SORBS2: variants seen among roughly 807,000 people sequenced by gnomAD.
SORBS2 encodes sorbin and SH3 domain containing 2, also known as sorbin and SH3 domain-containing protein 2.
In SORBS2, 46 loss-of-function variants were observed where a neutral mutation model predicts 97.7. The ratio of observed to expected loss-of-function variants is 0.47; its 90% CI spans 0.37 to 0.60. SORBS2 has a LOEUF of 0.60. SORBS2 is among the 20% of genes least tolerant of loss of function. The pLI, the probability that SORBS2 is intolerant of heterozygous loss-of-function variation, is 0.00. For synonymous variants in SORBS2, 476 were observed against 473.4 expected, an observed-to-expected ratio of 1.01 and a Z score of -0.07; for missense variants, 1,316 against 1,282.3, an observed-to-expected ratio of 1.03 and a Z score of -0.40.
chr4:185,930,858 A>G (rs1219855310), intron 1 of SORBS2, among the ~76,000 whole-genome samples: 1 of 152,240 alleles, frequency 6.6e-6, no homozygotes, highest in African/African-American at 2.4e-5. Context: ...GTGGATTTTT[A>G]CTTCTCCCTT....
intron 12 of SORBS2, among the ~76,000 whole-genome samples, chr4:185,602,481 C>T (rs1014790980): frequency 6.6e-6 from 1 of 152,124 alleles, no homozygotes; most frequent in Non-Finnish European, 1.5e-5. Flanking sequence ...TTCTGGATTG[C>T]ATTTACTTTT....
chr4:185,772,264 G>A (rs2098975971), intron 2 of SORBS2: 1 of 152,146 alleles, frequency 6.6e-6, no homozygotes, highest in Admixed American at 6.5e-5. Flanking sequence ...ATGCTTTTCT[G>A]AGGGACATTG....
At chr4:185,806,574 C>T (rs1422392551) in intron 1 of SORBS2, among the ~76,000 whole-genome samples, 2 of 149,976 alleles carry the variant, frequency 1.3e-5, no homozygotes, top group Admixed American at 1.3e-4. Context: ...TCTCCTGCCT[C>T]AGCCTCCCGA....
intron 2 of SORBS2, among the ~76,000 whole-genome samples, chr4:185,751,172 TA>T (rs71593649): frequency 0.093 from 2,961 of 31,748 alleles, 187 homozygotes; most frequent in Non-Finnish European, 0.14. Context: ...CTCTAAATAC[TA>T]AAAAAAAAAA....
At chr4:185,618,911 C>T (rs953989696) in intron 8 of SORBS2, among the ~76,000 whole-genome samples, 1 of 152,148 alleles carries the variant, frequency 6.6e-6, no homozygotes, top group Non-Finnish European at 1.5e-5. Flanking sequence ...CAGAGGTTTG[C>T]ATCCTAGGCA....
At chr4:185,889,422 G>T (rs1191588396) in intron 1 of SORBS2, among the ~76,000 whole-genome samples, 1 of 151,280 alleles carries the variant, frequency 6.6e-6, no homozygotes, top group Non-Finnish European at 1.5e-5. Flanking sequence ...TTTCTAACCT[G>T]GTCTCCGTGT....
rs556174076 is a variant in SORBS2 at position 185,850,279 on chromosome 4, G to A, written c.-337-74913C>T. Among the ~76,000 whole-genome samples, 264 of 152,294 alleles carry A rather than the reference G, an allele frequency of 1.7e-3. 1 individual carries two copies. The highest frequency in any genetic ancestry group is 5.9e-3 in the African/African-American group (247 of 41,562). On this transcript the variant is annotated intron_variant, in intron 1 of 20. Coordinates refer to the SORBS2 transcript ENST00000284776. ...AGTTGGGAAAAACACACAACTCCCT[G>A]AACTATCCACATGCCATGAGTTCTC...
chr4:185,815,353 T>C (rs1383125393), intron 1 of SORBS2, among the ~76,000 whole-genome samples: 1 of 151,990 alleles, frequency 6.6e-6, no homozygotes, highest in African/African-American at 2.4e-5. Context: ...TTTATATATA[T>C]TTAAACATTA....
upstream of SORBS2, among the ~76,000 whole-genome samples, chr4:185,660,017 A>C (rs1456351333): frequency 6.6e-6 from 1 of 152,206 alleles, no homozygotes; most frequent in East Asian, 1.9e-4. Flanking sequence ...GTCCTAAACT[A>C]AGTGTAAAAT....
chr4:185,590,336 C>T (rs1202492064), intron 13 of SORBS2, among the ~76,000 whole-genome samples: 13 of 152,186 alleles, frequency 8.5e-5, no homozygotes, highest in African/African-American at 3.1e-4. Flanking sequence ...GTGTGAATTA[C>T]TATACAAAGG....
Position 185,607,055 on chromosome 4 carries a change from G to A in SORBS2, c.2796+4725C>T, listed in dbSNP as rs1276839528. Reference sequence around the variant, plus strand: ...GCGTGAGTGGAAGGTGATTCGGCAGGTGCAGTCGCTGGGGACAATGGGAGG... The same window carrying A: ...GCGTGAGTGGAAGGTGATTCGGCAGATGCAGTCGCTGGGGACAATGGGAGG... On this transcript the variant is annotated intron_variant, in intron 12 of 14. Coordinates refer to ENST00000418609, the Ensembl canonical transcript of SORBS2. The surrounding 1 kb of genome is among the most constrained non-coding windows in gnomAD (Gnocchi z 5.2). 26 of 1,031,756 alleles carry A rather than the reference G, an allele frequency of 2.5e-5. No individual in the cohort carries two copies. Among genetic ancestry groups the A allele is most frequent in the Non-Finnish European group, 3.0e-5 (26 of 857,394 alleles). The allele number at this position is 1,031,756 out of a possible 1,614,324, so 63.9% of individuals were successfully genotyped here.
intron 1 of SORBS2, among the ~76,000 whole-genome samples, chr4:185,873,447 T>C (rs2099231550): frequency 6.6e-6 from 1 of 152,234 alleles, no homozygotes; most frequent in Admixed American, 6.5e-5. Context: ...CTTAATATTA[T>C]AGCACAAGCT....
At chr4:185,856,735 C>T (rs1221518714) in intron 1 of SORBS2, among the ~76,000 whole-genome samples, 2 of 152,092 alleles carry the variant, frequency 1.3e-5, no homozygotes, top group African/African-American at 4.8e-5. Context: ...TAAGGAAATA[C>T]TCAAGACTAG....
chr4:185,718,583 G>A lies in SORBS2; in HGVS notation c.-197-39761C>T, dbSNP rs145587663. Among the ~76,000 whole-genome samples, 66 of 152,290 alleles carry A rather than the reference G, an allele frequency of 4.3e-4. No homozygotes were observed. The South Asian group carries it at 4.3e-3, about 10-fold the overall frequency. On this transcript the variant is annotated intron_variant, in intron 2 of 20. Coordinates refer to the SORBS2 transcript ENST00000284776. ...TCTCCATGATAGGTGCACAGTTGGCGTACAGGTTACCTAGGGCTGGATACT... is the reference window on the plus strand; with the variant it reads ...TCTCCATGATAGGTGCACAGTTGGCATACAGGTTACCTAGGGCTGGATACT...
intron 2 of SORBS2, among the ~76,000 whole-genome samples, chr4:185,685,511 AG>A (rs1325130527): frequency 6.6e-6 from 1 of 152,184 alleles, no homozygotes; most frequent in Non-Finnish European, 1.5e-5. Flanking sequence ...GTTTAAAGAA[AG>A]GAGTATATTG....
intron 1 of SORBS2, among the ~76,000 whole-genome samples, chr4:185,806,611 C>T (rs1312962059): frequency 6.6e-6 from 1 of 151,304 alleles, no homozygotes; most frequent in East Asian, 1.9e-4. Context: ...GCGCCCGCCA[C>T]TACGCCCGGC....
chr4:185,598,755 T>A (rs1382378854), intron 12 of SORBS2, among the ~76,000 whole-genome samples: 3 of 152,184 alleles, frequency 2.0e-5, no homozygotes, highest in Non-Finnish European at 4.4e-5. Context: ...GAGGCTTATT[T>A]TTCCTTCTTA....
chr4:185,717,434 A>G (rs11132339), intron 2 of SORBS2, among the ~76,000 whole-genome samples: 120,693 of 152,220 alleles, frequency 0.79, 48,849 homozygotes, highest in Non-Finnish European at 0.89. Flanking sequence ...AGGAAGGCCG[A>G]CATCCTCCAA....
intron 2 of SORBS2, among the ~76,000 whole-genome samples, chr4:185,755,450 T>C (rs1057127803): frequency 2.6e-5 from 4 of 152,188 alleles, no homozygotes; most frequent in Admixed American, 2.0e-4. Context: ...AAGAAAATAA[T>C]AGGCACCAGA....
Sources: gnomAD v4.1 joint callset for allele counts (sites outside exome capture counted in the v4.1 genomes callset) on GRCh38, gnomAD v4.1.1 for gene constraint, Gnocchi (gnomAD v3.1) non-coding constraint, MANE v1.5 for transcripts, NCBI Gene and HGNC (gene_info 2026-07-23, HGNC 2026-07-21) for gene names.